The following ATP5MC2 variants were observed in gnomAD, a reference collection of about 807,000 sequenced individuals.
The protein encoded by ATP5MC2 is ATP synthase membrane subunit c locus 2.
ATP5MC2 carries 11 observed loss-of-function variants against 13.5 expected under a neutral mutation model. The observed-to-expected ratio is 0.81, with a 90% CI of 0.51 to 1.35. The LOEUF (loss-of-function observed/expected upper bound fraction) is 1.35, where lower values mean the gene tolerates loss of function less well. ATP5MC2 is among the 40% of genes most tolerant of loss of function. The pLI, the probability that ATP5MC2 is intolerant of heterozygous loss-of-function variation, is 0.00. For missense variants in ATP5MC2, 132 were observed against 175.0 expected (o/e 0.75, Z 1.39); for synonymous variants, 64 against 69.7 (o/e 0.92, Z 0.41).
At chr12:53,669,420 A>T in intron 3 of ATP5MC2, 79 bp from the exon 4 acceptor site, 1 of 1,469,698 alleles carries the variant, frequency 6.8e-7, no homozygotes, top group Non-Finnish European at 9.0e-7. Context: ...TTAAGCTGCC[A>T]AATCCCATTG....
At chr12:53,672,083 C>CAAAAAAAAAAAAAAAAAAAAAAAAAA (rs916010110) in intron 2 of ATP5MC2, among the ~76,000 whole-genome samples, 21 of 47,172 alleles carry the variant, frequency 4.5e-4, no homozygotes, top group East Asian at 9.0e-4. Flanking sequence ...AACTCTGTCT[C>CAAAAAAAAAAAAAAAAAAAAAAAAAA]AAAAAAAAAA....
chr12:53,670,460 A>C (rs1254194459), intron 2 of ATP5MC2, among the ~76,000 whole-genome samples: 2 of 152,222 alleles, frequency 1.3e-5, no homozygotes, highest in Non-Finnish European at 2.9e-5. Flanking sequence ...ATCACCTAGC[A>C]ACACAGTACA....
At chr12:53,672,042 C>T (rs568894913) in intron 2 of ATP5MC2, among the ~76,000 whole-genome samples, 53 of 130,484 alleles carry the variant, frequency 4.1e-4, no homozygotes, top group Non-Finnish European at 6.7e-4. Flanking sequence ...TGTGGTGGAT[C>T]GCGCCATTGC....
chr12:53,669,323 C>A lies in ATP5MC2; in HGVS notation c.136G>T (p.Val46Phe), dbSNP rs371141457. 1.2e-5 allele frequency: 19 copies of A among 1,613,328 alleles called. No individual in the cohort carries two copies. In the African/African-American group the frequency reaches 2.4e-4, roughly 20 times the overall value. ...LTDESLSSLAVSCPLTSLVSS... is the reference protein window; with the variant it reads ...LTDESLSSLAFSCPLTSLVSS... The stretch of plus-strand genomic sequence containing the variant: ...ACAAGTGAGGTAAGGGGACATGAGA[C>A]TGCCAAGCTGCTGAGGCTCTGTGAA... The change falls in exon 4 of 5, where the codon GTC becomes TTC. Residue 46 changes from valine to phenylalanine, a missense_variant. Val to Phe is a conservative substitution (Grantham distance 50). Transcript: ENST00000394349.
In ATP5MC2 at chr12:53,665,281, G is replaced by C. The variant is rs556179272; in HGVS notation, c.*33C>G. On this transcript the variant is annotated 3_prime_UTR_variant, in exon 5 of 5. Transcript: ENST00000394349. The stretch of plus-strand genomic sequence containing the variant: ...AAGGAACACACGGGGCCAACCAGAC[G>C]CGGGAGAACTATGGGAGGTGGAGAC... The C allele has an allele frequency of 1.3e-6, 2 of 1,564,538 alleles. No homozygotes were observed. Among genetic ancestry groups the C allele is most frequent in the African/African-American group, 1.4e-5 (1 of 72,778 alleles).
chr12:53,672,052 C>G (rs1337929298), intron 2 of ATP5MC2, among the ~76,000 whole-genome samples: 12 of 116,606 alleles, frequency 1.0e-4, no homozygotes, highest in Non-Finnish European at 1.8e-4. Context: ...CGCGCCATTG[C>G]AGCCTGGGCA....
At position 53,672,645 on chromosome 12, in the gene ATP5MC2, G is replaced by A. The variant is rs1239953627; in HGVS notation, c.-31C>T. The A allele has an allele frequency of 1.3e-6, 2 of 1,572,802 alleles. No individual in the cohort carries two copies. Among genetic ancestry groups the A allele is most frequent in the Admixed American group, 3.8e-5 (2 of 52,678 alleles). On this transcript the variant is annotated splice_region_variant and 5_prime_UTR_variant, in exon 2 of 5. Transcript: ENST00000394349. ...GGGGGTGAGGAGCTGTGGCAGGAGA[G>A]CTGGAATTACAGAAGCAGTATTGTA...
chr12:53,672,550 A>G (rs1003368860), intron 2 of ATP5MC2, 26 bp downstream of exon 2: 2 of 1,551,164 alleles, frequency 1.3e-6, no homozygotes, highest in Non-Finnish European at 1.8e-6. Flanking sequence ...CTCCTTTAAA[A>G]CTCTCCCAGA....
At chr12:53,680,249 G>A (rs554072719), upstream of ATP5MC2, among the ~76,000 whole-genome samples, 1 of 152,246 alleles carries the variant, frequency 6.6e-6, no homozygotes, top group Non-Finnish European at 1.5e-5. Flanking sequence ...GCCTCCCAAA[G>A]TGTTGGGATT....
intron 3 of ATP5MC2, 143 bp from the exon 4 acceptor site, chr12:53,669,484 C>T (rs1945030074): frequency 7.0e-7 from 1 of 1,420,906 alleles, no homozygotes; most frequent in Non-Finnish European, 9.2e-7. Flanking sequence ...GCAAGTAGAA[C>T]CTTTTAACGT....
At chr12:53,667,952 CACACATATATATATATATATATATAT>C (rs1429726624) in intron 4 of ATP5MC2, among the ~76,000 whole-genome samples, 2 of 110,748 alleles carry the variant, frequency 1.8e-5, no homozygotes, top group African/African-American at 6.5e-5. Flanking sequence ...CATACATACA[CACACATATATATATATATATATATAT>C]ATATATATAT....
chr12:53,670,184 T>C, intron 2 of ATP5MC2: 1 of 550,824 alleles, frequency 1.8e-6, no homozygotes, highest in Non-Finnish European at 3.4e-6. Context: ...GTCTACTTCC[T>C]TTGGGCCATA....
chr12:53,680,650 C>T (rs1182660103), upstream of ATP5MC2, among the ~76,000 whole-genome samples: 1 of 151,390 alleles, frequency 6.6e-6, no homozygotes, highest in African/African-American at 2.4e-5. Context: ...GGCAACATAG[C>T]GAGACCCCAT....
chr12:53,669,447 A>G, intron 3 of ATP5MC2, 106 bp from the exon 4 acceptor site: 1 of 1,444,054 alleles, frequency 6.9e-7, no homozygotes, highest in Non-Finnish European at 9.1e-7. Flanking sequence ...CCCCAAACAG[A>G]AAATTGTTTA....
At chr12:53,680,458 T>A (rs979827879), upstream of ATP5MC2, among the ~76,000 whole-genome samples, 6 of 152,076 alleles carry the variant, frequency 3.9e-5, no homozygotes, top group Admixed American at 3.9e-4. Flanking sequence ...GCTATATGAG[T>A]AATAGGAGTT....
upstream of ATP5MC2, among the ~76,000 whole-genome samples, chr12:53,679,845 C>T (rs1470063874): frequency 6.6e-6 from 1 of 152,128 alleles, no homozygotes; most frequent in Non-Finnish European, 1.5e-5. Flanking sequence ...AGAAAGAAAA[C>T]AGTAGATGAA....
upstream of ATP5MC2, chr12:53,676,362 AC>A: frequency 7.5e-6 from 7 of 938,496 alleles, no homozygotes; most frequent in South Asian, 3.5e-5. Context: ...GGGATCTCGG[AC>A]TTGCGTCCCC....
intron 1 of ATP5MC2, 28 bp from the exon 2 acceptor site, chr12:53,672,673 C>T (rs766953616): frequency 2.4e-5 from 38 of 1,553,336 alleles, no homozygotes; most frequent in Admixed American, 9.8e-5. Context: ...GTATTGTAAA[C>T]GCTCCTTATT....
chr12:53,672,412 G>T (rs953015178), intron 2 of ATP5MC2, among the ~76,000 whole-genome samples, 164 bp downstream of exon 2: 3 of 152,060 alleles, frequency 2.0e-5, no homozygotes, highest in African/African-American at 2.4e-5. Context: ...AGTAGAGATG[G>T]GGTTTCGCCA....
Sources: gnomAD v4.1 joint callset for allele counts (sites outside exome capture counted in the v4.1 genomes callset) on GRCh38, gnomAD v4.1.1 for gene constraint, MANE v1.5 for transcripts, NCBI Gene and HGNC (gene_info 2026-07-23, HGNC 2026-07-21) for gene names.